NRCAM: variants seen among roughly 807,000 people sequenced by gnomAD.
The protein encoded by NRCAM is NgCAM-related cell adhesion molecule.
Under a neutral mutation model 156.5 loss-of-function variants are expected in NRCAM, and 83 were observed. The ratio of observed to expected loss-of-function variants is 0.53; its 90% CI spans 0.44 to 0.64. The LOEUF (loss-of-function observed/expected upper bound fraction) is 0.64, where lower values mean the gene tolerates loss of function less well. Among genes scored for constraint, NRCAM ranks in the 30% least tolerant of loss-of-function variants. The pLI is 0.00. For synonymous variants in NRCAM, 538 were observed against 563.9 expected (o/e 0.95, Z 0.65); for missense variants, 1,417 against 1,597.3 (o/e 0.89, Z 1.92).
chr7:108,419,684 C>T (rs974772786), intron 1 of NRCAM, among the ~76,000 whole-genome samples: 2 of 152,230 alleles, frequency 1.3e-5, no homozygotes, highest in Admixed American at 6.5e-5. Context: ...TCTCCACTTT[C>T]GTGTCCACAC....
intron 3 of NRCAM, among the ~76,000 whole-genome samples, chr7:108,282,718 G>GAGAAAAA (rs2097906064): frequency 6.6e-6 from 1 of 151,678 alleles, no homozygotes; most frequent in African/African-American, 2.4e-5. Context: ...GGGGGCACAG[G>GAGAAAAA]GAGAAAAAGA....
chr7:108,443,835 C>T (rs928867417), intron 1 of NRCAM, among the ~76,000 whole-genome samples: 2 of 150,832 alleles, frequency 1.3e-5, no homozygotes, highest in Admixed American at 6.6e-5. Context: ...TTCTAAATAG[C>T]CAATTATTAT....
In NRCAM at chr7:108,237,714, T is replaced by G. The variant is rs780684647; in HGVS notation, c.124+38A>C. ...TTCAAAAAGCAAAGACATGGTCACA[T>G]TTTCACACTGCCTAGTAATTTATAG... On this transcript the variant is annotated intron_variant, in intron 5 of 32. Coordinates refer to ENST00000379028, the MANE Select transcript of NRCAM (RefSeq NM_001037132.4). 2.4e-5 allele frequency: 36 copies of G among 1,522,604 alleles called. No individual in the cohort carries two copies. The South Asian group carries it at 4.4e-4, about 19-fold the overall frequency. 94.3% of individuals were successfully genotyped at this position (1,522,604 alleles called of 1,614,324 possible).
At chr7:108,368,189 G>T (rs1399911640) in intron 2 of NRCAM, among the ~76,000 whole-genome samples, 3 of 150,696 alleles carry the variant, frequency 2.0e-5, no homozygotes, top group Admixed American at 6.6e-5. Context: ...GGCTCTTCCT[G>T]CAGGAGCCTC....
chr7:108,419,471 T>C (rs1055245598), intron 1 of NRCAM, among the ~76,000 whole-genome samples: 1 of 152,226 alleles, frequency 6.6e-6, no homozygotes, highest in African/African-American at 2.4e-5. Flanking sequence ...AAAATAAAGC[T>C]GCATGTTTCA....
intron 2 of NRCAM, among the ~76,000 whole-genome samples, chr7:108,346,926 GT>G (rs1395269008): frequency 1.3e-5 from 2 of 150,826 alleles, no homozygotes; most frequent in South Asian, 2.1e-4. Context: ...GATTTATTGG[GT>G]TAAACAATAA....
chr7:108,308,564 T>C (rs1215191481), intron 3 of NRCAM, among the ~76,000 whole-genome samples: 2 of 152,214 alleles, frequency 1.3e-5, no homozygotes, highest in African/African-American at 4.8e-5. Flanking sequence ...CACATAAAAG[T>C]TGCAGGATTC....
intron 11 of NRCAM, among the ~76,000 whole-genome samples, chr7:108,220,692 C>G (rs1588876508): frequency 6.6e-6 from 1 of 152,132 alleles, no homozygotes; most frequent in Non-Finnish European, 1.5e-5. Flanking sequence ...TATATAAAAA[C>G]CAACTCAAGA....
At chr7:108,171,204 C>CCGGG in intron 28 of NRCAM, among the ~76,000 whole-genome samples, 1 of 152,190 alleles carries the variant, frequency 6.6e-6, no homozygotes, top group East Asian at 1.9e-4. Flanking sequence ...TTCCGGTGTG[C>CCGGG]CTCGCCCAAC....
intron 3 of NRCAM, among the ~76,000 whole-genome samples, chr7:108,257,873 G>A (rs1035354061): frequency 6.6e-5 from 10 of 151,914 alleles, no homozygotes; most frequent in African/African-American, 2.4e-4. Flanking sequence ...TTCATCAAGC[G>A]TCTCAGATGA....
rs905617946 is a variant in NRCAM at position 108,392,193 on chromosome 7, C to T, written c.-174+7243G>A. Among the ~76,000 whole-genome samples the T allele has an allele frequency of 5.9e-5, 9 of 152,322 alleles. No individual in the cohort carries two copies. In the South Asian group the frequency reaches 6.2e-4, roughly 11 times the overall value. On this transcript the variant is annotated intron_variant, in intron 2 of 32. Coordinates refer to ENST00000379028, the MANE Select transcript of NRCAM (RefSeq NM_001037132.4). ...TTTTCCAACTTGGTTCCATTCTCCT[C>T]GTCACTTTCAGGTATACCAATCAGA...
At chr7:108,382,159 C>A (rs920950845) in intron 2 of NRCAM, among the ~76,000 whole-genome samples, 2 of 151,438 alleles carry the variant, frequency 1.3e-5, no homozygotes, top group African/African-American at 4.9e-5. Context: ...CACAGAGTCA[C>A]AGAAGATCTG....
At chr7:108,250,474 G>A (rs1030572770) in intron 3 of NRCAM, among the ~76,000 whole-genome samples, 6 of 139,020 alleles carry the variant, frequency 4.3e-5, no homozygotes, top group Non-Finnish European at 7.8e-5. Context: ...CCTGTCATTT[G>A]TAACAACAAA....
intron 30 of NRCAM, among the ~76,000 whole-genome samples, chr7:108,162,997 TCA>T (rs989715312): frequency 1.3e-5 from 2 of 151,948 alleles, no homozygotes; most frequent in African/African-American, 4.8e-5. Flanking sequence ...TGATCATGCA[TCA>T]CACACACATA....
At chr7:108,339,425 T>A (rs992150165) in intron 2 of NRCAM, among the ~76,000 whole-genome samples, 1 of 152,238 alleles carries the variant, frequency 6.6e-6, no homozygotes, top group Non-Finnish European at 1.5e-5. Context: ...AAAGGTTACC[T>A]ACACCCTCTG....
At chr7:108,221,300 A>C (rs1215601071) in intron 11 of NRCAM, among the ~76,000 whole-genome samples, 1 of 152,218 alleles carries the variant, frequency 6.6e-6, no homozygotes, top group African/African-American at 2.4e-5. Flanking sequence ...AGATTCCTTA[A>C]AGTACCAAAA....
chr7:108,168,255 G>T, intron 29 of NRCAM, 22 bp downstream of exon 29: 2 of 1,473,190 alleles, frequency 1.4e-6, no homozygotes, highest in South Asian at 3.1e-5. Flanking sequence ...ATTAAAAATC[G>T]GGTAATGAAA....
At chr7:108,265,389 A>G (rs1458604914) in intron 3 of NRCAM, among the ~76,000 whole-genome samples, 1 of 152,168 alleles carries the variant, frequency 6.6e-6, no homozygotes, top group East Asian at 1.9e-4. Flanking sequence ...TGAGACATAG[A>G]TGATTTCACA....
chr7:108,297,495 T>C (rs953280284), intron 3 of NRCAM, among the ~76,000 whole-genome samples: 3 of 152,228 alleles, frequency 2.0e-5, no homozygotes, highest in Non-Finnish European at 2.9e-5. Context: ...AAACTTTCAT[T>C]ATCTGACAAA....
Sources: gnomAD v4.1 joint callset for allele counts (sites outside exome capture counted in the v4.1 genomes callset) on GRCh38, gnomAD v4.1.1 for gene constraint, MANE v1.5 for transcripts, NCBI Gene and HGNC (gene_info 2026-07-23, HGNC 2026-07-21) for gene names.